FARS2: variants seen among roughly 807,000 people sequenced by gnomAD.
FARS2 encodes the protein phenylalanyl-tRNA synthetase 2, mitochondrial.
A neutral mutation model predicts 46.4 loss-of-function variants in FARS2; 40 were observed. The ratio of observed to expected loss-of-function variants is 0.86; its 90% CI spans 0.67 to 1.12. The LOEUF is 1.12. Ranked by LOEUF, FARS2 falls within the 50% of genes most tolerant of loss-of-function variation. The probability of loss-of-function intolerance (pLI) is 0.00; values close to 1 mark genes in which losing one functional copy is unlikely to be tolerated. For missense variants in FARS2, 513 were observed against 567.9 expected (o/e 0.90, Z 0.98); for synonymous variants, 234 against 214.9 (o/e 1.09, Z -0.78).
intron 1 of FARS2, among the ~76,000 whole-genome samples, chr6:5,323,046 C>T (rs975414211): frequency 3.3e-5 from 5 of 152,094 alleles, no homozygotes; most frequent in African/African-American, 1.2e-4. Context: ...TTACTTTTAT[C>T]AATTTAATAA....
chr6:5,336,390 C>A (rs1581812868), intron 1 of FARS2, among the ~76,000 whole-genome samples: 1 of 151,968 alleles, frequency 6.6e-6, no homozygotes, highest in East Asian at 1.9e-4. Context: ...AGCTATGAGT[C>A]TTTTCAAAGT....
chr6:5,292,544 A>G (rs574120012), intron 1 of FARS2, among the ~76,000 whole-genome samples: 8 of 152,180 alleles, frequency 5.3e-5, no homozygotes, highest in African/African-American at 1.9e-4. Context: ...ACTAAAGGAT[A>G]CCTCCCAGTT....
intron 2 of FARS2, among the ~76,000 whole-genome samples, chr6:5,387,946 G>T (rs893068742): frequency 3.3e-5 from 5 of 152,132 alleles, no homozygotes; most frequent in Non-Finnish European, 7.4e-5. Context: ...TGCAAAGAAA[G>T]TACAGAAAGT....
intron 4 of FARS2, among the ~76,000 whole-genome samples, chr6:5,448,108 C>T (rs1382695709): frequency 6.6e-6 from 1 of 152,058 alleles, no homozygotes; most frequent in East Asian, 1.9e-4. Flanking sequence ...GTTGGGGTAG[C>T]CTAGGGGACA....
At chr6:5,640,907 T>C (rs1297158823) in intron 6 of FARS2, among the ~76,000 whole-genome samples, 1 of 152,248 alleles carries the variant, frequency 6.6e-6, no homozygotes, top group Non-Finnish European at 1.5e-5. Context: ...TACTTGTGTC[T>C]GAGTCTTCTA....
At chr6:5,447,509 C>G (rs1299821870) in intron 4 of FARS2, among the ~76,000 whole-genome samples, 3 of 152,184 alleles carry the variant, frequency 2.0e-5, no homozygotes, top group Non-Finnish European at 4.4e-5. Flanking sequence ...CTAGTATAAC[C>G]TCTTCCTCAT....
At chr6:5,381,583 A>G (rs948188794) in intron 2 of FARS2, among the ~76,000 whole-genome samples, 20 of 152,142 alleles carry the variant, frequency 1.3e-4, no homozygotes, top group Non-Finnish European at 1.5e-5. Context: ...AAATTGGAAA[A>G]TCTGTTCTGG....
intron 4 of FARS2, among the ~76,000 whole-genome samples, chr6:5,521,468 A>T (rs952932902): frequency 1.3e-5 from 2 of 152,162 alleles, no homozygotes; most frequent in African/African-American, 4.8e-5. Flanking sequence ...TTGTGTCCCC[A>T]TACGGGTGCA....
chr6:5,736,149 G>C (rs1760934019), intron 6 of FARS2, among the ~76,000 whole-genome samples: 1 of 152,190 alleles, frequency 6.6e-6, no homozygotes, highest in Non-Finnish European at 1.5e-5. Flanking sequence ...TGCCAGGAAA[G>C]GCTCGGTTCC....
intron 6 of FARS2, among the ~76,000 whole-genome samples, chr6:5,633,646 A>G (rs111463678): frequency 4.4e-4 from 67 of 152,298 alleles, no homozygotes; most frequent in Middle Eastern, 3.4e-3. Context: ...GCATACGTAT[A>G]TACTAAGAAA....
chr6:5,262,280 TCC>T, intron 1 of FARS2, among the ~76,000 whole-genome samples: 6 of 152,174 alleles, frequency 3.9e-5, no homozygotes, highest in African/African-American at 1.2e-4. Context: ...CTTTTCTGTT[TCC>T]TTTTCTTTTT....
At chr6:5,649,714 A>C (rs1777250926) in intron 6 of FARS2, among the ~76,000 whole-genome samples, 1 of 152,226 alleles carries the variant, frequency 6.6e-6, no homozygotes, top group South Asian at 2.1e-4. Context: ...CTCAGTCCAC[A>C]CAAGTAGGTA....
At chr6:5,346,837 T>G (rs1757266084) in intron 1 of FARS2, among the ~76,000 whole-genome samples, 1 of 152,142 alleles carries the variant, frequency 6.6e-6, no homozygotes, top group African/African-American at 2.4e-5. Context: ...GTTCAACATT[T>G]ATTTATAATT....
chr6:5,344,447 C>T (rs566646910), intron 1 of FARS2, among the ~76,000 whole-genome samples: 8 of 151,446 alleles, frequency 5.3e-5, no homozygotes, highest in Non-Finnish European at 1.2e-4. Context: ...CTTGAGTATA[C>T]TGTACCTCCC....
At chr6:5,543,672 GT>G (rs1288110892) in intron 4 of FARS2, among the ~76,000 whole-genome samples, 1 of 151,974 alleles carries the variant, frequency 6.6e-6, no homozygotes, top group African/African-American at 2.4e-5. Context: ...AGTTTTTTAT[GT>G]TTTAGGAAAA....
intron 5 of FARS2, among the ~76,000 whole-genome samples, chr6:5,554,009 A>AT (rs781688184): frequency 2.6e-5 from 4 of 152,198 alleles, no homozygotes; most frequent in Non-Finnish European, 5.9e-5. Context: ...AACTATTATA[A>AT]TAAGCAGGTC....
chr6:5,378,228 A>T (rs1326637402), intron 2 of FARS2, among the ~76,000 whole-genome samples: 1 of 151,880 alleles, frequency 6.6e-6, no homozygotes, highest in Non-Finnish European at 1.5e-5. Context: ...AAGGATGTTG[A>T]GACTTACACG....
At chr6:5,504,177 G>A (rs1034710326) in intron 4 of FARS2, among the ~76,000 whole-genome samples, 23 of 152,130 alleles carry the variant, frequency 1.5e-4, no homozygotes, top group African/African-American at 3.6e-4. Context: ...GAACAACTAC[G>A]TTATGGAAAT....
intron 1 of FARS2, among the ~76,000 whole-genome samples, chr6:5,272,004 G>A (rs1441107721): frequency 6.6e-6 from 1 of 152,144 alleles, no homozygotes. Context: ...AGTCAACTAT[G>A]TTCTGAAAAT....
Sources: gnomAD v4.1 joint callset for allele counts (sites outside exome capture counted in the v4.1 genomes callset) on GRCh38, gnomAD v4.1.1 for gene constraint, MANE v1.5 for transcripts, NCBI Gene and HGNC (gene_info 2026-07-23, HGNC 2026-07-21) for gene names.